EPHB3: variants seen among roughly 807,000 people sequenced by gnomAD.
EPHB3 encodes the protein EPH receptor B3.
In EPHB3, 33 loss-of-function variants were observed where a neutral mutation model predicts 100.2. That is an observed-to-expected ratio of 0.33 (90% CI 0.25 to 0.44). The LOEUF (loss-of-function observed/expected upper bound fraction) is 0.44. Among genes scored for constraint, EPHB3 ranks in the 20% least tolerant of loss-of-function variants. The probability of loss-of-function intolerance (pLI) is 1.00; values close to 1 mark genes in which losing one functional copy is unlikely to be tolerated. For synonymous variants in EPHB3, 526 were observed against 554.7 expected (o/e 0.95, Z 0.73); for missense variants, 1,045 against 1,378.3 (o/e 0.76, Z 3.83).
chr3:184,581,295 A>G lies in EPHB3; in HGVS notation c.2775A>G (p.Thr925=). The G allele has an allele frequency of 6.2e-7, 1 of 1,606,298 alleles. No individual in the cohort carries two copies. Among genetic ancestry groups the G allele is most frequent in the East Asian group, 2.2e-5 (1 of 44,822 alleles). Residue 925 remains threonine, a synonymous_variant, in exon 15 of 16, where the codon ACA becomes ACG. Coordinates refer to ENST00000330394, the MANE Select transcript of EPHB3 (RefSeq NM_004443.4). ...PLLDRTVPDY[T]TFTTVGDWLD... ...TGGACCGCACGGTCCCAGATTACACAACCTTCACGACAGTTGGTGATTGGC... is the reference window on the plus strand; with the variant it reads ...TGGACCGCACGGTCCCAGATTACACGACCTTCACGACAGTTGGTGATTGGC...
Position 184,572,402 on chromosome 3 carries a change from A to C in EPHB3, c.184-102A>C, listed in dbSNP as rs1028025565. Reference sequence around the variant, plus strand: ...CCTGTATGCTCAGCCACTGCACACCATAGAAGCATCCCTGTGAAGTAAATA... The same window carrying C: ...CCTGTATGCTCAGCCACTGCACACCCTAGAAGCATCCCTGTGAAGTAAATA... On this transcript the variant is annotated intron_variant, in intron 2 of 15. Coordinates refer to ENST00000330394, the MANE Select transcript of EPHB3 (RefSeq NM_004443.4). The surrounding 1 kb of genome is among the most constrained non-coding windows in gnomAD (Gnocchi z 6.6). 1.5e-6 allele frequency: 2 copies of C among 1,356,100 alleles called. No individual in the cohort carries two copies. Among genetic ancestry groups the C allele is most frequent in the East Asian group, 2.6e-5 (1 of 37,826 alleles). 84.0% of individuals were successfully genotyped at this position (1,356,100 alleles called of 1,614,324 possible).
rs565555783 is a variant in EPHB3, at chr3:184,570,642, G to A, written c.119-676G>A. On this transcript the variant is annotated intron_variant, in intron 1 of 15. Coordinates refer to ENST00000330394, the MANE Select transcript of EPHB3 (RefSeq NM_004443.4). ...GGGGCTGGGCCTTTGTGCTGGGAACGGAGTCAGGGGAGGCCAGGGCCAGGG... is the reference window on the plus strand; with the variant it reads ...GGGGCTGGGCCTTTGTGCTGGGAACAGAGTCAGGGGAGGCCAGGGCCAGGG... Among the ~76,000 whole-genome samples the A allele has an allele frequency of 5.9e-5, 9 of 152,354 alleles. No homozygotes were observed. In the South Asian group the frequency reaches 8.3e-4, roughly 14 times the overall value.
At position 184,565,065 on chromosome 3, in the gene EPHB3, T is replaced by C. The variant is rs1179061800; in HGVS notation, c.118+2712T>C. Among the ~76,000 whole-genome samples, 1 of 152,046 alleles carries C rather than the reference T, an allele frequency of 6.6e-6. No homozygotes were observed. ...TAGTTAGATGCTGTCTAGCACCTGG[T>C]TCCTCTTCCCTTCCTGCACACTTGG... On this transcript the variant is annotated intron_variant, in intron 1 of 15. Transcript: ENST00000330394. This position sits in a 1 kb window ranked among gnomAD's most constrained non-coding sequence, Gnocchi z 4.8.
At chr3:184,574,368 C>CT (rs2108437537) in intron 3 of EPHB3, among the ~76,000 whole-genome samples, 1 of 152,352 alleles carries the variant, frequency 6.6e-6, no homozygotes. Flanking sequence ...AGGTAGATTC[C>CT]TGCCATCTCC....
In EPHB3 at chr3:184,577,847, G is replaced by A. The variant is rs112678021; in HGVS notation, c.1639+30G>A. 10 of 1,604,904 alleles carry A rather than the reference G, an allele frequency of 6.2e-6. No individual in the cohort carries two copies. The highest frequency in any genetic ancestry group is 3.4e-5 in the Admixed American group (2 of 59,536). Reference sequence around the variant, plus strand: ...GTAGCCCCCTGCGCCTGTCCCCATCGCGGCCCTCACTCTCTGTCCCTCCAC... The same window carrying A: ...GTAGCCCCCTGCGCCTGTCCCCATCACGGCCCTCACTCTCTGTCCCTCCAC... On this transcript the variant is annotated intron_variant, in intron 7 of 15. Transcript: ENST00000330394. This position sits in a 1 kb window ranked among gnomAD's most constrained non-coding sequence, Gnocchi z 4.9.
At position 184,578,136 on chromosome 3, in the gene EPHB3, GC is replaced by G. The variant is rs1714728513; in HGVS notation, c.1748+132del. 2.9e-6 allele frequency: 3 copies of G among 1,041,932 alleles called. No homozygotes were observed. In the East Asian group the frequency reaches 7.8e-5, roughly 27 times the overall value. 64.5% of individuals were successfully genotyped at this position (1,041,932 alleles called of 1,614,324 possible). On this transcript the variant is annotated intron_variant, in intron 8 of 15. Coordinates refer to ENST00000330394, the MANE Select transcript of EPHB3 (RefSeq NM_004443.4). This position sits in a 1 kb window ranked among gnomAD's most constrained non-coding sequence, Gnocchi z 4.7. ...CAGGGCCTTAGCCCTCCTGGGGCCA[GC>G]CGTTGCTGGAGAAGCCCTCTCCCAT...
In EPHB3 at chr3:184,572,636, T is replaced by G. The variant is rs776719941; in HGVS notation, c.316T>G (p.Tyr106Asp). 1.3e-6 allele frequency: 2 copies of G among 1,564,232 alleles called. No homozygotes were observed. Among genetic ancestry groups the G allele is most frequent in the Non-Finnish European group, 1.7e-6 (2 of 1,157,320 alleles). Residue 106 changes from tyrosine (Y) to aspartate (D), a missense_variant, in exon 3 of 16, where the codon TAC becomes GAC. Tyr to Asp is a radical substitution (Grantham distance 160, BLOSUM62 -3). Around this residue, in one of 2 missense-constraint regions of EPHB3, gnomAD observed 985 missense variants for 1,331.1 expected, o/e 0.74. Coordinates refer to ENST00000330394, the MANE Select transcript of EPHB3 (RefSeq NM_004443.4). This position sits in a 1 kb window ranked among gnomAD's most constrained non-coding sequence, Gnocchi z 6.6. ...FIWRRDVQRV[Y>D]VELKFTVRDC... is the part of the protein sequence containing the mutation. ...CTGGCGGCGGGATGTGCAGCGGGTC[T>G]ACGTGGAGCTCAAGTTCACTGTGCG... is the stretch of plus-strand genomic sequence containing the variant.
Position 184,562,315 on chromosome 3 carries a change from C to T in EPHB3, c.80C>T (p.Pro27Leu). ...CTGCTCCCTCCGCTGCTGCTGCTGC[C>T]GCTGCTGCTGCTGCCCGCCGGCTGC... ...LPLLPPLLLL[P>L]LLLLPAGCRA... The change falls in exon 1 of 16, where the codon CCG becomes CTG. Residue 27 changes from proline to leucine, a missense_variant. Around this residue, in one of 2 missense-constraint regions of EPHB3, gnomAD observed 60 missense variants for 47.2 expected, o/e 1.27. Transcript: ENST00000330394. The surrounding 1 kb of genome is among the most constrained non-coding windows in gnomAD (Gnocchi z 4.8). 1 of 1,250,062 alleles carries T rather than the reference C, an allele frequency of 8.0e-7. No individual in the cohort carries two copies. 77.4% of individuals were successfully genotyped at this position (1,250,062 alleles called of 1,614,324 possible).
In EPHB3 at chr3:184,579,968, C is replaced by G. The variant is rs770901931; in HGVS notation, c.2172+34C>G. 1.9e-6 allele frequency: 3 copies of G among 1,598,280 alleles called. No individual in the cohort carries two copies. Among genetic ancestry groups the G allele is most frequent in the Admixed American group, 1.7e-5 (1 of 58,354 alleles). ...CAGCCCCCAGGCCCTCTCCCTCCCC[C>G]AGAGAGTTGGATTGGGCTCACCATC... On this transcript the variant is annotated intron_variant, in intron 11 of 15. Coordinates refer to ENST00000330394, the MANE Select transcript of EPHB3 (RefSeq NM_004443.4). This position sits in a 1 kb window ranked among gnomAD's most constrained non-coding sequence, Gnocchi z 5.2.
Position 184,562,444 on chromosome 3 carries a change from C to T in EPHB3, c.118+91C>T. 1 of 1,126,308 alleles carries T rather than the reference C, an allele frequency of 8.9e-7. No homozygotes were observed. The highest frequency in any genetic ancestry group is 1.1e-6 in the Non-Finnish European group (1 of 919,732). The allele number at this position is 1,126,308 out of a possible 1,614,324, so 69.8% of individuals were successfully genotyped here. Reference sequence around the variant, plus strand: ...GCGTGGGTCCGACCCGGATTGAGCGCACGTCGGAGGAGGCCCCGCCACCGG... The same window carrying T: ...GCGTGGGTCCGACCCGGATTGAGCGTACGTCGGAGGAGGCCCCGCCACCGG... On this transcript the variant is annotated intron_variant, in intron 1 of 15. Transcript: ENST00000330394. This position sits in a 1 kb window ranked among gnomAD's most constrained non-coding sequence, Gnocchi z 4.8.
Position 184,562,241 on chromosome 3 carries a change from C to T in EPHB3, c.6C>T (p.Ala2=), listed in dbSNP as rs774846466. The change falls in exon 1 of 16, where the codon GCC becomes GCT. Residue 2 remains alanine (A), a synonymous_variant. Transcript: ENST00000330394. This position sits in a 1 kb window ranked among gnomAD's most constrained non-coding sequence, Gnocchi z 4.8. M[A]RARPPPPPSP... ...CTCCTAGAGCTGCCACGGCCATGGC[C>T]AGAGCCCGCCCGCCGCCGCCGCCGT... 6.9e-6 allele frequency: 7 copies of T among 1,011,504 alleles called. No homozygotes were observed. The South Asian group carries it at 2.6e-4, about 38-fold the overall frequency. The allele number at this position is 1,011,504 out of a possible 1,614,324, so 62.7% of individuals were successfully genotyped here. A position where few individuals can be genotyped will look rare whatever the true frequency, so the allele number is the denominator to read the frequency against.
chr3:184,562,652 G>A lies in EPHB3; in HGVS notation c.118+299G>A, dbSNP rs562629166. ...TTTCGCGGGAGTCCCCCACACTCACGGCAGAGAAGTGGGGCTCCCGGCACC... is the reference window on the plus strand; with the variant it reads ...TTTCGCGGGAGTCCCCCACACTCACAGCAGAGAAGTGGGGCTCCCGGCACC... On this transcript the variant is annotated intron_variant, in intron 1 of 15. Transcript: ENST00000330394. This position sits in a 1 kb window ranked among gnomAD's most constrained non-coding sequence, Gnocchi z 4.8. Among the ~76,000 whole-genome samples, 55 of 152,230 alleles carry A rather than the reference G, an allele frequency of 3.6e-4. No homozygotes were observed. Among genetic ancestry groups the A allele is most frequent in the Admixed American group, 6.5e-4 (10 of 15,298 alleles).
intron 1 of EPHB3, among the ~76,000 whole-genome samples, chr3:184,567,045 C>G (rs1228539316): frequency 6.6e-6 from 1 of 152,124 alleles, no homozygotes; most frequent in Admixed American, 6.5e-5. Context: ...AGCGGAAGAG[C>G]CTTGCCCAGA....
Position 184,572,547 on chromosome 3 carries a change from G to A in EPHB3, c.227G>A (p.Arg76His), listed in dbSNP as rs770916588. ...SGYDEAMNPI[R>H]TYQVCNVRES... ...TACGATGAGGCCATGAATCCCATCC[G>A]CACATACCAGGTGTGTAATGTGCGC... Residue 76 changes from arginine to histidine, a missense_variant, in exon 3 of 16, where the codon CGC becomes CAC. This residue lies in a region of EPHB3 where 985 missense variants were observed against 1,331.1 expected (regional missense o/e 0.74). Transcript: ENST00000330394. This position sits in a 1 kb window ranked among gnomAD's most constrained non-coding sequence, Gnocchi z 6.6. 4.5e-6 allele frequency: 7 copies of A among 1,557,570 alleles called. No individual in the cohort carries two copies. Among genetic ancestry groups the A allele is most frequent in the South Asian group, 2.5e-5 (2 of 79,590 alleles).
In EPHB3 at chr3:184,577,147, C is replaced by CG; in HGVS notation, c.1319dup (p.Tyr441LeufsTer15). 6.2e-7 allele frequency: 1 copy of CG among 1,608,162 alleles called. No homozygotes were observed. Among genetic ancestry groups the CG allele is most frequent in the Non-Finnish European group, 8.5e-7 (1 of 1,176,140 alleles). ...CTCGGGCAAGAGCCCTCTGCCGCCT[C>CG]GTTATGCGGCCGTGAATATCACCAC... On this transcript the variant is annotated frameshift_variant, in exon 5 of 16. Transcript: ENST00000330394. LOFTEE classifies it high-confidence loss of function. This position sits in a 1 kb window ranked among gnomAD's most constrained non-coding sequence, Gnocchi z 4.9.
Position 184,572,074 on chromosome 3 carries a change from A to G in EPHB3, c.184-430A>G, listed in dbSNP as rs996616882. ...CAGCCAGTAGCCCGGAAGTGCTTGC[A>G]CTGCTACAAGCCCATTACATTTATT... On this transcript the variant is annotated intron_variant, in intron 2 of 15. Transcript: ENST00000330394. This position sits in a 1 kb window ranked among gnomAD's most constrained non-coding sequence, Gnocchi z 6.6. Among the ~76,000 whole-genome samples, 6 of 152,226 alleles carry G rather than the reference A, an allele frequency of 3.9e-5. No homozygotes were observed. The highest frequency in any genetic ancestry group is 1.4e-4 in the African/African-American group (6 of 41,454).
In EPHB3 at chr3:184,579,986, T is replaced by C. The variant is rs141174134; in HGVS notation, c.2172+52T>C. ...CCTCCCCCAGAGAGTTGGATTGGGC[T>C]CACCATCCCCTCCCACAAGTCAGAC... On this transcript the variant is annotated intron_variant, in intron 11 of 15. Transcript: ENST00000330394. The surrounding 1 kb of genome is among the most constrained non-coding windows in gnomAD (Gnocchi z 5.2). 4.1e-4 allele frequency: 650 copies of C among 1,576,954 alleles called. 7 individuals are homozygous for C. The East Asian group carries it at 0.015, about 35-fold the overall frequency.
chr3:184,568,464 C>G (rs1714451123), intron 1 of EPHB3, among the ~76,000 whole-genome samples: 1 of 152,224 alleles, frequency 6.6e-6, no homozygotes, highest in Non-Finnish European at 1.5e-5. Context: ...CCTCATACCC[C>G]CGTCCCAACG....
In EPHB3 at chr3:184,577,883, C is replaced by A. The variant is rs768629578; in HGVS notation, c.1640-15C>A. ...TCTCTGTCCCTCCACTCAGCAGCCC[C>A]TTCTCTATCTCCAGGCTCTGGGGCC... On this transcript the variant is annotated splice_polypyrimidine_tract_variant and intron_variant, in intron 7 of 15. Transcript: ENST00000330394. This position sits in a 1 kb window ranked among gnomAD's most constrained non-coding sequence, Gnocchi z 4.9. 3 of 1,612,760 alleles carry A rather than the reference C, an allele frequency of 1.9e-6. No homozygotes were observed. The South Asian group carries it at 3.3e-5, about 18-fold the overall frequency.
Sources: gnomAD v4.1 joint callset for allele counts (sites outside exome capture counted in the v4.1 genomes callset) on GRCh38, gnomAD v4.1.1 for gene constraint, gnomAD v4.1.1 regional missense constraint, Gnocchi (gnomAD v3.1) non-coding constraint, MANE v1.5 for transcripts, NCBI Gene and HGNC (gene_info 2026-07-23, HGNC 2026-07-21) for gene names.